LCOR: variants seen among roughly 807,000 people sequenced by gnomAD.
LCOR encodes the protein ligand-dependent corepressor.
LCOR carries 14 observed loss-of-function variants against 64.4 expected under a neutral mutation model. That is an observed-to-expected ratio of 0.22 (90% CI 0.14 to 0.34). LCOR has a LOEUF of 0.34. Ranked by LOEUF, LCOR falls within the 10% of genes least tolerant of loss-of-function variation. The pLI is 1.00. For synonymous variants in LCOR, 643 were observed against 642.5 expected, an observed-to-expected ratio of 1.00 and a Z score of -0.01; for missense variants, 1,686 against 1,765.3, an observed-to-expected ratio of 0.96 and a Z score of 0.80.
At position 96,988,567 on chromosome 10, in the gene LCOR, A is replaced by G. The variant is rs1362189862; in HGVS notation, c.*3433A>G. The G allele has an allele frequency of 6.6e-6, 1 of 152,142 alleles. No individual in the cohort carries two copies. The highest frequency in any genetic ancestry group is 1.9e-4 in the East Asian group (1 of 5,192). 9.4% of individuals were successfully genotyped at this position (152,142 alleles called of 1,614,324 possible). ...CAGTAAAAGGCATCACTTCAAGATA[A>G]TTACTTTGAATTGAGGTTTGGCCTC... On this transcript the variant is annotated 3_prime_UTR_variant, in exon 8 of 8. Coordinates refer to ENST00000421806, the MANE Select transcript of LCOR (RefSeq NM_001346516.2).
rs1215131344 is a variant in LCOR, at chr10:96,836,633, T to A, written c.-330+3154T>A. ...GTCATATGATGGTGCAAGCAAATGC[T>A]AGGGGTGTTTAGAAGTGAAATCTCT... is the stretch of plus-strand genomic sequence containing the variant. On this transcript the variant is annotated intron_variant, in intron 2 of 7. Transcript: ENST00000421806. Among the ~76,000 whole-genome samples the A allele has an allele frequency of 2.6e-5, 4 of 152,298 alleles. No homozygotes were observed. The East Asian group carries it at 7.7e-4, about 29-fold the overall frequency.
chr10:96,901,825 G>A (rs531782029), intron 2 of LCOR, among the ~76,000 whole-genome samples: 8 of 151,930 alleles, frequency 5.3e-5, no homozygotes, highest in Non-Finnish European at 7.4e-5. Context: ...GCTGGAGTGC[G>A]GTGGCGCAAT....
intron 4 of LCOR, among the ~76,000 whole-genome samples, chr10:96,929,512 G>C (rs1185147086): frequency 6.6e-6 from 1 of 152,206 alleles, no homozygotes; most frequent in Admixed American, 6.5e-5. Flanking sequence ...TCTGGATTAG[G>C]CTTTGGCTTA....
At chr10:96,941,706 G>A in intron 4 of LCOR, among the ~76,000 whole-genome samples, 1 of 150,802 alleles carries the variant, frequency 6.6e-6, no homozygotes, top group African/African-American at 2.4e-5. Context: ...CTAGGCAGAG[G>A]GTTTCCTCAC....
At chr10:96,936,854 A>C (rs1368921341) in intron 4 of LCOR, among the ~76,000 whole-genome samples, 1 of 152,214 alleles carries the variant, frequency 6.6e-6, no homozygotes, top group Non-Finnish European at 1.5e-5. Flanking sequence ...CTGTACACAC[A>C]TACCTATGAT....
chr10:96,854,579 G>A (rs988282663), intron 2 of LCOR, among the ~76,000 whole-genome samples: 4 of 152,118 alleles, frequency 2.6e-5, no homozygotes, highest in African/African-American at 7.2e-5. Flanking sequence ...CGCTGACCTC[G>A]GCCTCCCAAA....
Position 96,983,124 on chromosome 10 carries a change from C to T in LCOR, c.2664C>T (p.Val888=), listed in dbSNP as rs779959606. 1 of 1,613,702 alleles carries T rather than the reference C, an allele frequency of 6.2e-7. No homozygotes were observed. Among genetic ancestry groups the T allele is most frequent in the Non-Finnish European group, 8.5e-7 (1 of 1,179,704 alleles). ...TGGAGGACACAGAAAAGCCAAGTGT[C>T]AATGAACGCCCCTCTGAGAAAGATG... ...ETLEDTEKPS[V]NERPSEKDAE... Residue 888 remains valine, a synonymous_variant, in exon 8 of 8, where the codon GTC becomes GTT. Transcript: ENST00000421806. This position sits in a 1 kb window ranked among gnomAD's most constrained non-coding sequence, Gnocchi z 4.5.
chr10:96,990,382 C>A lies in LCOR; in HGVS notation c.*5248C>A, dbSNP rs1295119724. On this transcript the variant is annotated 3_prime_UTR_variant, in exon 8 of 8. Transcript: ENST00000421806. ...GGGACTACAGGTGCATGCCACCACACCCAGTTAATTTTTTTTTTTTTTCCA... is the reference window on the plus strand; with the variant it reads ...GGGACTACAGGTGCATGCCACCACAACCAGTTAATTTTTTTTTTTTTTCCA... The A allele has an allele frequency of 6.6e-6, 1 of 152,022 alleles. No individual in the cohort carries two copies. Among genetic ancestry groups the A allele is most frequent in the East Asian group, 1.9e-4 (1 of 5,184 alleles). 9.4% of individuals were successfully genotyped at this position (152,022 alleles called of 1,614,324 possible).
chr10:96,863,845 T>G (rs991985405), intron 2 of LCOR, among the ~76,000 whole-genome samples: 1 of 152,236 alleles, frequency 6.6e-6, no homozygotes, highest in African/African-American at 2.4e-5. Flanking sequence ...GTTGCCTTCT[T>G]TCATGATGCT....
At chr10:96,918,027 A>T (rs1243296865) in intron 4 of LCOR, among the ~76,000 whole-genome samples, 3 of 152,204 alleles carry the variant, frequency 2.0e-5, no homozygotes, top group African/African-American at 7.2e-5. Flanking sequence ...ATGAGTTGAA[A>T]TAAAAGGTCT....
At chr10:96,861,633 C>T (rs190263220) in intron 2 of LCOR, among the ~76,000 whole-genome samples, 68 of 152,212 alleles carry the variant, frequency 4.5e-4, no homozygotes, top group African/African-American at 1.6e-3. Flanking sequence ...GCATCCTCCA[C>T]CTCCTGGGTT....
chr10:96,903,472 G>C (rs377372776), intron 2 of LCOR, among the ~76,000 whole-genome samples: 11 of 151,896 alleles, frequency 7.2e-5, no homozygotes, highest in African/African-American at 2.4e-4. Context: ...CAAGATCCAG[G>C]GGCCTTGATG....
rs1848130283 is a variant in LCOR at position 96,984,660 on chromosome 10, G to A, written c.4200G>A (p.Lys1400=). ...LPKAEVQSKR[K]RTEGSSPPDS... The stretch of plus-strand genomic sequence containing the variant: ...AAGCAGAAGTTCAGAGTAAACGCAA[G>A]AGAACAGAAGGCAGCAGCCCTCCAG... The change falls in exon 8 of 8, where the codon AAG becomes AAA. Residue 1400 remains lysine (K), a synonymous_variant. Transcript: ENST00000421806. 2 of 1,614,068 alleles carry A rather than the reference G, an allele frequency of 1.2e-6. No individual in the cohort carries two copies. Among genetic ancestry groups the A allele is most frequent in the Admixed American group, 1.7e-5 (1 of 60,008 alleles).
At chr10:96,900,482 TATA>T (rs1409458758) in intron 2 of LCOR, among the ~76,000 whole-genome samples, 3 of 150,794 alleles carry the variant, frequency 2.0e-5, no homozygotes, top group Non-Finnish European at 3.0e-5. Flanking sequence ...AAATCAATGA[TATA>T]ATAGAGAAGA....
chr10:96,833,465 A>AC lies in LCOR; in HGVS notation c.-338dup. 2 of 984,454 alleles carry AC rather than the reference A, an allele frequency of 2.0e-6. No individual in the cohort carries two copies. Among genetic ancestry groups the AC allele is most frequent in the East Asian group, 1.1e-4 (1 of 8,738 alleles). The allele number at this position is 984,454 out of a possible 1,614,324, so 61.0% of individuals were successfully genotyped here. On this transcript the variant is annotated 5_prime_UTR_variant, in exon 2 of 8. Coordinates refer to ENST00000421806, the MANE Select transcript of LCOR (RefSeq NM_001346516.2). ...CATAAGGGCTTAACTCATATATTTAACCCCCCTCCAAAAAGTAAGTGGCCC... is the reference window on the plus strand; with the variant it reads ...CATAAGGGCTTAACTCATATATTTAACCCCCCCTCCAAAAAGTAAGTGGCCC...
chr10:96,938,765 AAAC>A (rs1272705165), intron 4 of LCOR, among the ~76,000 whole-genome samples: 1 of 152,224 alleles, frequency 6.6e-6, no homozygotes, highest in Admixed American at 6.5e-5. Context: ...GAAAGTTTGA[AAAC>A]AGTTCTGTTT....
rs1172651955 is a variant in LCOR, at chr10:96,983,858, A to G, written c.3398A>G (p.Gln1133Arg). 1.5e-5 allele frequency: 24 copies of G among 1,614,208 alleles called. No homozygotes were observed. Among genetic ancestry groups the G allele is most frequent in the Non-Finnish European group, 1.9e-5 (23 of 1,180,040 alleles). The change falls in exon 8 of 8, where the codon CAG becomes CGG. Residue 1133 changes from glutamine to arginine, a missense_variant. Physicochemically the swap from Gln to Arg is conservative, Grantham distance 43. This residue lies in a region of LCOR where 1,293 missense variants were observed against 1,410.4 expected (regional missense o/e 0.92). Transcript: ENST00000421806. This position sits in a 1 kb window ranked among gnomAD's most constrained non-coding sequence, Gnocchi z 4.5. ...KGWIQLEKEG[Q>R]PTPRARNKSD... ...TGGATCCAGTTGGAGAAAGAAGGAC[A>G]GCCAACACCAAGAGCAAGGAACAAA... is the stretch of plus-strand genomic sequence containing the variant.
chr10:96,862,588 A>G lies in LCOR; in HGVS notation c.-330+29109A>G, dbSNP rs185014535. On this transcript the variant is annotated intron_variant, in intron 2 of 7. Transcript: ENST00000421806. ...GCCACGTAGGCATGATTGGTAAACT[A>G]TTGGCCATTGGTGATCAACTTAACC... is the stretch of plus-strand genomic sequence containing the variant. 2.2e-3 allele frequency among the ~76,000 whole-genome samples: 333 copies of G among 152,190 alleles called. 5 individuals are homozygous for G. Among genetic ancestry groups the G allele is most frequent in the African/African-American group, 7.7e-3 (318 of 41,546 alleles).
At chr10:96,971,205 C>A (rs369122881) in intron 7 of LCOR, among the ~76,000 whole-genome samples, 11 of 152,230 alleles carry the variant, frequency 7.2e-5, no homozygotes, top group African/African-American at 2.4e-4. Context: ...TACTGTCTGC[C>A]CTTCAAAATT....
Sources: gnomAD v4.1 joint callset for allele counts (sites outside exome capture counted in the v4.1 genomes callset) on GRCh38, gnomAD v4.1.1 for gene constraint, gnomAD v4.1.1 regional missense constraint, Gnocchi (gnomAD v3.1) non-coding constraint, MANE v1.5 for transcripts, NCBI Gene and HGNC (gene_info 2026-07-23, HGNC 2026-07-21) for gene names.